PCDHGB7: variants seen among roughly 807,000 people sequenced by gnomAD.
The protein encoded by PCDHGB7 is protocadherin gamma subfamily B, 7.
PCDHGB7 carries 37 observed loss-of-function variants against 61.4 expected under a neutral mutation model. The ratio of observed to expected loss-of-function variants is 0.60; its 90% confidence interval spans 0.46 to 0.79. The LOEUF (loss-of-function observed/expected upper bound fraction) is 0.79, where lower values mean the gene tolerates loss of function less well. Among genes scored for constraint, PCDHGB7 ranks in the 30% least tolerant of loss-of-function variants. The pLI is 0.00. For synonymous variants in PCDHGB7, 464 were observed against 503.5 expected, an observed-to-expected ratio of 0.92 and a Z score of 1.05; for missense variants, 1,166 against 1,202.5, an observed-to-expected ratio of 0.97 and a Z score of 0.45.
At chr5:141,497,214 G>C (rs929868102) in intron 2 of PCDHGB7, among the ~76,000 whole-genome samples, 2 of 152,138 alleles carry the variant, frequency 1.3e-5, no homozygotes, top group African/African-American at 4.8e-5. Flanking sequence ...TGTAATGGGG[G>C]GGGGAAGATC....
rs146748846 is a variant in PCDHGB7 at position 141,452,937 on chromosome 5, G to C, written c.2415+32663G>C. 4.0e-4 allele frequency among the ~76,000 whole-genome samples: 61 copies of C among 152,254 alleles called. No individual in the cohort carries two copies. The East Asian group carries it at 0.01, about 26-fold the overall frequency. On this transcript the variant is annotated intron_variant, in intron 1 of 3. Coordinates refer to ENST00000398594, the MANE Select transcript of PCDHGB7 (RefSeq NM_018927.4). The stretch of plus-strand genomic sequence containing the variant: ...AGTAAGAAAGAGCTGCTGAAGATTT[G>C]CTTGCAATTGGTTGTCTTTAAACTG...
intron 1 of PCDHGB7, chr5:141,423,540 C>T (rs961504938): frequency 6.2e-7 from 1 of 1,613,606 alleles, no homozygotes; most frequent in Non-Finnish European, 8.5e-7. Context: ...ACCTGATTTT[C>T]CCCCAGCCCA....
At chr5:141,499,438 G>A (rs2154592492) in intron 2 of PCDHGB7, among the ~76,000 whole-genome samples, 1 of 152,158 alleles carries the variant, frequency 6.6e-6, no homozygotes, top group Admixed American at 6.5e-5. Context: ...AAAATTAAAA[G>A]GAAAACCACC....
At position 141,486,059 on chromosome 5, in the gene PCDHGB7, C is replaced by T. The variant is rs141349392; in HGVS notation, c.2416-8748C>T. ...TCGTGTAAGAAACCTCTTTAGCCTG[C>T]ACCCCACTACTGGAAAGCTTACTCT... On this transcript the variant is annotated intron_variant, in intron 1 of 3. Transcript: ENST00000398594. The surrounding 1 kb of genome is among the most constrained non-coding windows in gnomAD (Gnocchi z 5.0). The T allele has an allele frequency of 9.0e-5, 146 of 1,614,034 alleles. No individual in the cohort carries two copies. The highest frequency in any genetic ancestry group is 1.2e-4 in the Non-Finnish European group (138 of 1,180,018).
chr5:141,487,688 G>T lies in PCDHGB7; in HGVS notation c.2416-7119G>T, dbSNP rs376927186. ...AGGCATATGGCTAGGCCATGTCCTAGAGAGTACTGGCCTCTCAGTAAGTGC... is the reference window on the plus strand; with the variant it reads ...AGGCATATGGCTAGGCCATGTCCTATAGAGTACTGGCCTCTCAGTAAGTGC... On this transcript the variant is annotated intron_variant, in intron 1 of 3. Coordinates refer to ENST00000398594, the MANE Select transcript of PCDHGB7 (RefSeq NM_018927.4). The surrounding 1 kb of genome is among the most constrained non-coding windows in gnomAD (Gnocchi z 5.0). 1.2e-6 allele frequency: 2 copies of T among 1,604,966 alleles called. No individual in the cohort carries two copies.
intron 1 of PCDHGB7, chr5:141,430,745 T>C (rs377018529): frequency 1.3e-4 from 191 of 1,499,634 alleles, no homozygotes; most frequent in Non-Finnish European, 1.7e-4. Context: ...AAAATAATTC[T>C]GGAGGAAGAT....
chr5:141,477,010 C>G lies in PCDHGB7; in HGVS notation c.2416-17797C>G. On this transcript the variant is annotated intron_variant, in intron 1 of 3. Coordinates refer to ENST00000398594, the MANE Select transcript of PCDHGB7 (RefSeq NM_018927.4). This position sits in a 1 kb window ranked among gnomAD's most constrained non-coding sequence, Gnocchi z 4.9. ...GCGTGCGGCAACTATTCGCCTTAGA[C>G]CTTGTAACCGGGATGCTGACAATCA... 4 of 1,614,260 alleles carry G rather than the reference C, an allele frequency of 2.5e-6. No homozygotes were observed. Among genetic ancestry groups the G allele is most frequent in the Non-Finnish European group, 2.5e-6 (3 of 1,180,052 alleles).
intron 1 of PCDHGB7, among the ~76,000 whole-genome samples, chr5:141,438,223 CA>C: frequency 6.6e-6 from 1 of 151,912 alleles, no homozygotes; most frequent in Non-Finnish European, 1.5e-5. Context: ...GGCTCTGGTT[CA>C]GGAAAATGTT....
chr5:141,494,923 G>A lies in PCDHGB7; in HGVS notation c.2474+58G>A, dbSNP rs572227346. Reference sequence around the variant, plus strand: ...TCTGCGGCATTTTCTCAGGGATGACGTGGGAGGAGATGGGGGAGGGCCCAG... The same window carrying A: ...TCTGCGGCATTTTCTCAGGGATGACATGGGAGGAGATGGGGGAGGGCCCAG... On this transcript the variant is annotated intron_variant, in intron 2 of 3. Coordinates refer to ENST00000398594, the MANE Select transcript of PCDHGB7 (RefSeq NM_018927.4). The A allele has an allele frequency of 8.9e-5, 143 of 1,613,698 alleles. 1 individual carries two copies. In the Middle Eastern group the frequency reaches 1.8e-3, roughly 20 times the overall value.
At position 141,477,269 on chromosome 5, in the gene PCDHGB7, G is replaced by A; in HGVS notation, c.2416-17538G>A. On this transcript the variant is annotated intron_variant, in intron 1 of 3. Coordinates refer to ENST00000398594, the MANE Select transcript of PCDHGB7 (RefSeq NM_018927.4). This position sits in a 1 kb window ranked among gnomAD's most constrained non-coding sequence, Gnocchi z 4.9. Reference sequence around the variant, plus strand: ...GACTGACCTGGATGCTGGCGAGAACGGGCTGGTGACCTGCGAAGTTCCACC... The same window carrying A: ...GACTGACCTGGATGCTGGCGAGAACAGGCTGGTGACCTGCGAAGTTCCACC... 1.9e-6 allele frequency: 3 copies of A among 1,614,154 alleles called. No individual in the cohort carries two copies. Among genetic ancestry groups the A allele is most frequent in the Non-Finnish European group, 2.5e-6 (3 of 1,180,030 alleles).
rs137901127 is a variant in PCDHGB7 at position 141,436,420 on chromosome 5, A to G, written c.2415+16146A>G. 1.4e-3 allele frequency among the ~76,000 whole-genome samples: 213 copies of G among 152,326 alleles called. 1 individual carries two copies. The highest frequency in any genetic ancestry group is 4.8e-3 in the African/African-American group (199 of 41,594). ...AGTTGTTGAATGAATGGATAAACAA[A>G]TAATGTACTCTGGGGATTACCTGAT... On this transcript the variant is annotated intron_variant, in intron 1 of 3. Coordinates refer to ENST00000398594, the MANE Select transcript of PCDHGB7 (RefSeq NM_018927.4).
intron 1 of PCDHGB7, among the ~76,000 whole-genome samples, chr5:141,450,099 C>T (rs2098669229): frequency 6.6e-6 from 1 of 151,500 alleles, no homozygotes; most frequent in African/African-American, 2.4e-5. Flanking sequence ...CTCCGCCTCC[C>T]AGGTTCAAAT....
At chr5:141,428,064 G>C in intron 1 of PCDHGB7, 1 of 1,609,060 alleles carries the variant, frequency 6.2e-7, no homozygotes, top group East Asian at 2.2e-5. Flanking sequence ...GGCGGTGGAC[G>C]CAGATTCGGG....
In PCDHGB7 at chr5:141,419,702, G is replaced by A. The variant is rs116279995; in HGVS notation, c.1843G>A (p.Gly615Arg). 1.9e-3 allele frequency: 3,028 copies of A among 1,612,950 alleles called. 48 individuals are homozygous for A. In the African/African-American group the frequency reaches 0.033, roughly 18 times the overall value. The stretch of plus-strand genomic sequence containing the variant: ...CCACGTGGTGCAGGCCAGTGAGCCC[G>A]GGCTCTTCAGCCTGGGGCTGCGAAC... Reference protein sequence around the residue: ...SYHVVQASEPGLFSLGLRTGE... With the variant: ...SYHVVQASEPRLFSLGLRTGE... Residue 615 changes from glycine (G) to arginine (R), a missense_variant, in exon 1 of 4, where the codon GGG becomes AGG. Gly to Arg is a moderately radical substitution (Grantham distance 125). Transcript: ENST00000398594.
rs1486545769 is a variant in PCDHGB7 at position 141,431,780 on chromosome 5, A to T, written c.2415+11506A>T. On this transcript the variant is annotated intron_variant, in intron 1 of 3. Coordinates refer to ENST00000398594, the MANE Select transcript of PCDHGB7 (RefSeq NM_018927.4). This position sits in a 1 kb window ranked among gnomAD's most constrained non-coding sequence, Gnocchi z 4.8. The stretch of plus-strand genomic sequence containing the variant: ...AGTCCTGATCACTGTTCTGGACGTG[A>T]ACGACAATGCCCCAGAAGTGGTCCT... 4 of 1,614,086 alleles carry T rather than the reference A, an allele frequency of 2.5e-6. No homozygotes were observed. The highest frequency in any genetic ancestry group is 3.4e-6 in the Non-Finnish European group (4 of 1,180,028).
At chr5:141,449,349 G>C (rs191322076) in intron 1 of PCDHGB7, among the ~76,000 whole-genome samples, 2 of 152,074 alleles carry the variant, frequency 1.3e-5, no homozygotes, top group African/African-American at 4.8e-5. Flanking sequence ...GCTCACTCCT[G>C]TAATCCCAGC....
Position 141,505,409 on chromosome 5 carries a change from G to T in PCDHGB7, c.2491G>T (p.Asp831Tyr). The change falls in exon 3 of 4, where the codon GAC (aspartate) becomes TAC (tyrosine). Residue 831 changes from aspartate to tyrosine, a missense_variant. Asp to Tyr is a radical substitution (Grantham distance 160). Transcript: ENST00000398594. ...PGTSGSQNGD[D>Y]TGTWPNNQFD... Reference sequence around the variant, plus strand: ...TCTCCCCAGCTCCCAAAATGGCGATGACACCGGCACCTGGCCCAACAACCA... The same window carrying T: ...TCTCCCCAGCTCCCAAAATGGCGATTACACCGGCACCTGGCCCAACAACCA... 6.2e-7 allele frequency: 1 copy of T among 1,614,200 alleles called. No individual in the cohort carries two copies. Among genetic ancestry groups the T allele is most frequent in the Non-Finnish European group, 8.5e-7 (1 of 1,180,048 alleles).
At chr5:141,456,148 C>G (rs1408257938) in intron 1 of PCDHGB7, among the ~76,000 whole-genome samples, 1 of 152,080 alleles carries the variant, frequency 6.6e-6, no homozygotes, top group African/African-American at 2.4e-5. Flanking sequence ...CCGCCCGCCT[C>G]GGCCTCCTAA....
rs1265422100 is a variant in PCDHGB7 at position 141,490,199 on chromosome 5, C to A, written c.2416-4608C>A. On this transcript the variant is annotated intron_variant, in intron 1 of 3. Transcript: ENST00000398594. This position sits in a 1 kb window ranked among gnomAD's most constrained non-coding sequence, Gnocchi z 5.4. The stretch of plus-strand genomic sequence containing the variant: ...GAGTCACGTTTCTATGAAATTCATG[C>A]AAGAGCCCGTGACCAGGGACAGCCT... The A allele has an allele frequency of 1.9e-6, 3 of 1,614,184 alleles. No homozygotes were observed. The highest frequency in any genetic ancestry group is 2.5e-6 in the Non-Finnish European group (3 of 1,180,024).
Sources: allele counts gnomAD v4.1 joint callset (sites outside exome capture counted in the v4.1 genomes callset), GRCh38; gene constraint gnomAD v4.1.1; non-coding constraint Gnocchi (gnomAD v3.1); transcripts MANE v1.5; gene names NCBI Gene and HGNC (gene_info 2026-07-23, HGNC 2026-07-21).